Variants in PREX1 observed in about 807,000 individuals in gnomAD.
PREX1 encodes phosphatidylinositol 3,4,5-trisphosphate-dependent Rac exchanger 1 protein.
PREX1 carries 41 observed loss-of-function variants against 198.3 expected under a neutral mutation model. The observed-to-expected ratio is 0.21, with a 90% CI of 0.16 to 0.27. The LOEUF (loss-of-function observed/expected upper bound fraction) is 0.27. PREX1 is among the 10% of genes least tolerant of loss of function. PREX1 has a pLI of 1.00. For missense variants in PREX1, 1,620 were observed against 2,200.7 expected (o/e 0.74, Z 5.28); for synonymous variants, 843 against 887.2 (o/e 0.95, Z 0.89).
At chr20:48,803,853 A>G (rs556475218) in intron 1 of PREX1, among the ~76,000 whole-genome samples, 2 of 152,344 alleles carry the variant, frequency 1.3e-5, no homozygotes, top group African/African-American at 2.4e-5. Flanking sequence ...CCTGGATCCA[A>G]CTGTGCCTGA....
At chr20:48,834,285 A>G in the PREX1 span, among the ~76,000 whole-genome samples, 1 of 152,198 alleles carries the variant, frequency 6.6e-6, no homozygotes, top group East Asian at 1.9e-4. Context: ...CCTGGAGGAA[A>G]TATCTTGAAA....
At chr20:48,747,501 A>T (rs988484121) in intron 2 of PREX1, among the ~76,000 whole-genome samples, 3 of 152,246 alleles carry the variant, frequency 2.0e-5, no homozygotes, top group Non-Finnish European at 4.4e-5. Flanking sequence ...GCTCCAAGCC[A>T]GAGGGCCTGA....
At chr20:48,758,825 T>C (rs1253257497) in intron 1 of PREX1, among the ~76,000 whole-genome samples, 3 of 152,156 alleles carry the variant, frequency 2.0e-5, no homozygotes, top group Non-Finnish European at 1.5e-5. Flanking sequence ...AAAACGCCTA[T>C]CCCTGCTCTG....
At chr20:48,689,505 C>A (rs2089805516) in intron 9 of PREX1, among the ~76,000 whole-genome samples, 1 of 152,158 alleles carries the variant, frequency 6.6e-6, no homozygotes, top group African/African-American at 2.4e-5. Context: ...GTGCTCGTGA[C>A]CACCCCAGCC....
At chr20:48,817,742 C>T (rs148303852) in intron 1 of PREX1, among the ~76,000 whole-genome samples, 50 of 152,258 alleles carry the variant, frequency 3.3e-4, no homozygotes, top group African/African-American at 1.1e-3. Context: ...CACAAAAATG[C>T]TTAGCAATTA....
In PREX1 at chr20:48,774,581, G is replaced by C. The variant is rs373108199; in HGVS notation, c.220-26701C>G. Among the ~76,000 whole-genome samples, 24 of 152,338 alleles carry C rather than the reference G, an allele frequency of 1.6e-4. No individual in the cohort carries two copies. In the South Asian group the frequency reaches 5.0e-3, roughly 32 times the overall value. On this transcript the variant is annotated intron_variant, in intron 1 of 39. Coordinates refer to ENST00000371941, the MANE Select transcript of PREX1 (RefSeq NM_020820.4). ...CCTCAGTTTCTACATTCATAAAAGAGGGTGATTCTGCCATGTTTTCAGGGT... is the reference window on the plus strand; with the variant it reads ...CCTCAGTTTCTACATTCATAAAAGACGGTGATTCTGCCATGTTTTCAGGGT...
At chr20:48,828,190 C>A (rs1217872259), upstream of PREX1, among the ~76,000 whole-genome samples, 1 of 150,872 alleles carries the variant, frequency 6.6e-6, no homozygotes, top group Non-Finnish European at 1.5e-5. Flanking sequence ...GGACGCGGCG[C>A]GGCGCTCGGC....
chr20:48,754,024 G>A (rs1028365539), intron 1 of PREX1, among the ~76,000 whole-genome samples: 2 of 152,214 alleles, frequency 1.3e-5, no homozygotes, highest in Non-Finnish European at 1.5e-5. Context: ...CAGCGCCTGG[G>A]ACAGAGGCTG....
chr20:48,723,895 G>A (rs1344174716), intron 5 of PREX1, among the ~76,000 whole-genome samples: 2 of 152,200 alleles, frequency 1.3e-5, no homozygotes, highest in Admixed American at 6.5e-5. Context: ...CACGGAAGCT[G>A]CAGCTCCAAG....
intron 14 of PREX1, among the ~76,000 whole-genome samples, chr20:48,670,765 G>T (rs764593494): frequency 6.6e-6 from 1 of 152,134 alleles, no homozygotes; most frequent in Non-Finnish European, 1.5e-5. Context: ...CTCAATCAGC[G>T]ATCATTAATA....
intron 1 of PREX1, among the ~76,000 whole-genome samples, chr20:48,820,581 A>C (rs544869315): frequency 3.3e-5 from 5 of 152,308 alleles, no homozygotes; most frequent in Admixed American, 2.0e-4. Context: ...CCCCCACACG[A>C]TCTGAGAGCA....
chr20:48,769,335 G>A (rs1441036925), intron 1 of PREX1, among the ~76,000 whole-genome samples: 1 of 152,166 alleles, frequency 6.6e-6, no homozygotes, highest in East Asian at 1.9e-4. Context: ...ATCCTGAGGG[G>A]ATCCTCTCCA....
intron 1 of PREX1, among the ~76,000 whole-genome samples, chr20:48,765,392 C>T (rs902799578): frequency 6.6e-6 from 1 of 152,134 alleles, no homozygotes; most frequent in Admixed American, 6.5e-5. Flanking sequence ...TATTCAGTTC[C>T]TGAGTTTAGA....
the PREX1 span, among the ~76,000 whole-genome samples, chr20:48,873,829 C>A: frequency 1.4e-4 from 22 of 152,160 alleles, no homozygotes; most frequent in African/African-American, 5.1e-4. Flanking sequence ...CCACCATCTT[C>A]CCCCTACTCC....
At chr20:48,877,695 T>C in the PREX1 span, among the ~76,000 whole-genome samples, 4,246 of 152,286 alleles carry the variant, frequency 0.028, 89 homozygotes, top group Non-Finnish European at 0.04. Flanking sequence ...ATAAAACATT[T>C]TACATTTGAA....
At chr20:48,881,292 G>T in the PREX1 span, among the ~76,000 whole-genome samples, 1 of 152,060 alleles carries the variant, frequency 6.6e-6, no homozygotes, top group African/African-American at 2.4e-5. Flanking sequence ...AATAAAAAAA[G>T]AATTTAAACC....
At chr20:48,833,885 C>T in the PREX1 span, among the ~76,000 whole-genome samples, 7 of 152,124 alleles carry the variant, frequency 4.6e-5, no homozygotes, top group African/African-American at 1.7e-4. Context: ...AAATTGAGAC[C>T]ATCCTGGCTA....
At chr20:48,732,482 G>A (rs1393081088) in intron 4 of PREX1, among the ~76,000 whole-genome samples, 1 of 152,080 alleles carries the variant, frequency 6.6e-6, no homozygotes, top group East Asian at 1.9e-4. Context: ...ATGTGCTGTT[G>A]GGAAAACAAA....
intron 15 of PREX1, among the ~76,000 whole-genome samples, chr20:48,660,996 C>T (rs1458587486): frequency 1.3e-5 from 2 of 152,318 alleles, no homozygotes; most frequent in East Asian, 1.9e-4. Flanking sequence ...CACACAGCTA[C>T]GGCCATTTGT....
Sources: allele counts gnomAD v4.1 joint callset (sites outside exome capture counted in the v4.1 genomes callset), GRCh38; gene constraint gnomAD v4.1.1; transcripts MANE v1.5; gene names NCBI Gene and HGNC (gene_info 2026-07-23, HGNC 2026-07-21).